The following RSF1 variants were observed in gnomAD, a reference collection of about 807,000 sequenced individuals.
RSF1 encodes the protein remodeling and spacing factor 1, also known as HBV pX-associated protein 8.
A neutral mutation model predicts 145.2 loss-of-function variants in RSF1; 13 were observed. The observed-to-expected ratio is 0.09, with a 90% confidence interval of 0.06 to 0.14. The LOEUF (loss-of-function observed/expected upper bound fraction) is 0.14, where lower values mean the gene tolerates loss of function less well. RSF1 is among the 10% of genes least tolerant of loss of function. The probability of loss-of-function intolerance (pLI) is 1.00; values close to 1 mark genes in which losing one functional copy is unlikely to be tolerated. For missense variants in RSF1, 1,517 were observed against 1,718.2 expected (o/e 0.88, Z 2.07); for synonymous variants, 577 against 592.6 (o/e 0.97, Z 0.38).
intron 7 of RSF1, among the ~76,000 whole-genome samples, chr11:77,695,348 T>A (rs1960255421): frequency 6.6e-6 from 1 of 152,142 alleles, no homozygotes; most frequent in African/African-American, 2.4e-5. Flanking sequence ...TGATTTTCTA[T>A]CTCCCTTATG....
chr11:77,865,134 G>A, the RSF1 span, among the ~76,000 whole-genome samples: 1 of 152,126 alleles, frequency 6.6e-6, no homozygotes, highest in Non-Finnish European at 1.5e-5. Flanking sequence ...ATGTGGTTGA[G>A]TCCCCAACAT....
intron 1 of RSF1, among the ~76,000 whole-genome samples, chr11:77,779,564 T>A (rs1948382982): frequency 6.6e-6 from 1 of 151,994 alleles, no homozygotes; most frequent in African/African-American, 2.4e-5. Context: ...GTAGTTTTAG[T>A]AGAGATGGGG....
At chr11:77,697,860 ACT>A (rs966431731) in intron 7 of RSF1, among the ~76,000 whole-genome samples, 7 of 151,926 alleles carry the variant, frequency 4.6e-5, no homozygotes, top group African/African-American at 1.7e-4. Context: ...TTCCAATGCC[ACT>A]CTTTTGCCAT....
At chr11:77,719,461 G>A (rs1199329791) in intron 5 of RSF1, among the ~76,000 whole-genome samples, 1 of 152,142 alleles carries the variant, frequency 6.6e-6, no homozygotes, top group Non-Finnish European at 1.5e-5. Flanking sequence ...AAAGGAGTAT[G>A]GCAAAATGGA....
At chr11:77,673,404 T>C (rs990359872) in intron 14 of RSF1, among the ~76,000 whole-genome samples, 5 of 152,248 alleles carry the variant, frequency 3.3e-5, no homozygotes, top group Admixed American at 6.5e-5. Flanking sequence ...ACATTCAAGC[T>C]TGTTATTCTT....
intron 1 of RSF1, among the ~76,000 whole-genome samples, chr11:77,819,083 T>A (rs1415275307): frequency 6.6e-6 from 1 of 152,244 alleles, no homozygotes; most frequent in Non-Finnish European, 1.5e-5. Flanking sequence ...TCTGAAGAAC[T>A]TCATACTTGG....
chr11:77,684,251 C>A (rs539088554), intron 10 of RSF1, among the ~76,000 whole-genome samples: 6 of 152,194 alleles, frequency 3.9e-5, no homozygotes, highest in Admixed American at 1.3e-4. Context: ...ATTACTTATA[C>A]ACATTTTTAC....
Position 77,740,953 on chromosome 11 carries a change from A to T in RSF1, c.373-17T>A. On this transcript the variant is annotated splice_polypyrimidine_tract_variant and intron_variant, in intron 3 of 15. Transcript: ENST00000308488. ...ACAGAGGTACTGAAAAATAGTCATAACATGACTTAAAATACCTCACAAATA... is the reference window on the plus strand; with the variant it reads ...ACAGAGGTACTGAAAAATAGTCATATCATGACTTAAAATACCTCACAAATA... 3.2e-6 allele frequency: 5 copies of T among 1,554,174 alleles called. No individual in the cohort carries two copies. The highest frequency in any genetic ancestry group is 4.4e-6 in the Non-Finnish European group (5 of 1,127,206).
At chr11:77,773,044 T>C (rs1161045988) in intron 1 of RSF1, among the ~76,000 whole-genome samples, 2 of 152,158 alleles carry the variant, frequency 1.3e-5, no homozygotes, top group Non-Finnish European at 2.9e-5. Flanking sequence ...TCTATGCACC[T>C]TGAGGCATTA....
chr11:77,856,059 A>C, the RSF1 span, among the ~76,000 whole-genome samples: 1 of 152,126 alleles, frequency 6.6e-6, no homozygotes, highest in African/African-American at 2.4e-5. Flanking sequence ...GCAGAGTTGC[A>C]GTGAGCTGAG....
At chr11:77,686,969 T>C (rs1333197707) in intron 9 of RSF1, among the ~76,000 whole-genome samples, 1 of 152,182 alleles carries the variant, frequency 6.6e-6, no homozygotes, top group Non-Finnish European at 1.5e-5. Context: ...AAAATGCTCT[T>C]GTATTATGAC....
At chr11:77,814,471 A>G (rs1948763046) in intron 1 of RSF1, among the ~76,000 whole-genome samples, 1 of 152,066 alleles carries the variant, frequency 6.6e-6, no homozygotes, top group Non-Finnish European at 1.5e-5. Flanking sequence ...AAAAGGACAG[A>G]GTCTCGCTCT....
chr11:77,741,066 A>G lies in RSF1; in HGVS notation c.373-130T>C, dbSNP rs545136541. ...ACACAAATACTGTATTCCTTCTTTC[A>G]CTATCCTCTTCCCACTTTCATACAA... On this transcript the variant is annotated intron_variant, in intron 3 of 15. Transcript: ENST00000308488. 191 of 684,370 alleles carry G rather than the reference A, an allele frequency of 2.8e-4. No homozygotes were observed. The African/African-American group carries it at 3.2e-3, about 11-fold the overall frequency. The allele number at this position is 684,370 out of a possible 1,614,324, so 42.4% of individuals were successfully genotyped here.
chr11:77,677,461 G>A (rs768285574), intron 12 of RSF1, among the ~76,000 whole-genome samples: 2 of 152,180 alleles, frequency 1.3e-5, no homozygotes, highest in Non-Finnish European at 2.9e-5. Flanking sequence ...TAAAAACAGT[G>A]TTTGCAGGAC....
intron 15 of RSF1, among the ~76,000 whole-genome samples, chr11:77,667,709 CT>C (rs200716808): frequency 1.3e-5 from 2 of 150,886 alleles, no homozygotes; most frequent in African/African-American, 4.9e-5. Flanking sequence ...ACAATATTTT[CT>C]TTTTTTTTAT....
At chr11:77,819,217 C>G (rs1002504563) in intron 1 of RSF1, among the ~76,000 whole-genome samples, 3 of 152,252 alleles carry the variant, frequency 2.0e-5, no homozygotes, top group Admixed American at 2.0e-4. Context: ...AACCAATCCA[C>G]TTTGGCCAGC....
At chr11:77,796,088 T>A (rs1948569614) in intron 1 of RSF1, among the ~76,000 whole-genome samples, 1 of 152,166 alleles carries the variant, frequency 6.6e-6, no homozygotes, top group African/African-American at 2.4e-5. Context: ...GTCTATTTGA[T>A]TCTTCTCTCT....
intron 5 of RSF1, among the ~76,000 whole-genome samples, chr11:77,705,069 GA>G (rs909948969): frequency 3.3e-5 from 5 of 151,972 alleles, no homozygotes; most frequent in Admixed American, 2.6e-4. Flanking sequence ...TCTTTTAAGA[GA>G]AAAAAATGAC....
intron 14 of RSF1, among the ~76,000 whole-genome samples, chr11:77,673,438 ATAGC>A (rs1315611629): frequency 6.6e-6 from 1 of 152,246 alleles, no homozygotes; most frequent in Non-Finnish European, 1.5e-5. Flanking sequence ...ACATTTCAAA[ATAGC>A]TAGCCAATAG....
Sources: allele counts gnomAD v4.1 joint callset (sites outside exome capture counted in the v4.1 genomes callset), GRCh38; gene constraint gnomAD v4.1.1; transcripts MANE v1.5; gene names NCBI Gene and HGNC (gene_info 2026-07-23, HGNC 2026-07-21).